SND1: variants seen among roughly 807,000 people sequenced by gnomAD.
SND1 encodes staphylococcal nuclease domain-containing protein 1.
In SND1, 38 loss-of-function variants were observed where a neutral mutation model predicts 121.7. The ratio of observed to expected loss-of-function variants is 0.31; its 90% confidence interval spans 0.24 to 0.41. SND1 has a LOEUF of 0.41. Among genes scored for constraint, SND1 ranks in the 10% least tolerant of loss-of-function variants. SND1 has a pLI of 1.00. For missense variants in SND1, 868 were observed against 1,184.6 expected (o/e 0.73, Z 3.92); for synonymous variants, 401 against 447.4 (o/e 0.90, Z 1.31).
intron 1 of SND1, among the ~76,000 whole-genome samples, chr7:127,678,463 G>T (rs1165591505): frequency 6.6e-6 from 1 of 152,202 alleles, no homozygotes; most frequent in Admixed American, 6.5e-5. Context: ...TCCAGAGCCA[G>T]TGAGTCAGCA....
intron 11 of SND1, among the ~76,000 whole-genome samples, chr7:127,828,870 T>C (rs1389915672): frequency 2.0e-5 from 3 of 152,190 alleles, no homozygotes; most frequent in Non-Finnish European, 4.4e-5. Context: ...TATTAAATCA[T>C]GGAGCAGAGC....
At position 128,085,488 on chromosome 7, in the gene SND1, A is replaced by C. The variant is rs941376870; in HGVS notation, c.2235-223A>C. 6.6e-6 allele frequency among the ~76,000 whole-genome samples: 1 copy of C among 152,060 alleles called. No individual in the cohort carries two copies. ...CCAAGGACACATTAATCTGCTCCACATGCTCCTTTCTCCCTCTTCTGCTCC... is the reference window on the plus strand; with the variant it reads ...CCAAGGACACATTAATCTGCTCCACCTGCTCCTTTCTCCCTCTTCTGCTCC... On this transcript the variant is annotated intron_variant, in intron 19 of 23. Transcript: ENST00000354725. This position sits in a 1 kb window ranked among gnomAD's most constrained non-coding sequence, Gnocchi z 4.4.
chr7:127,660,234 GT>G (rs1285234777), intron 1 of SND1, among the ~76,000 whole-genome samples: 1 of 152,132 alleles, frequency 6.6e-6, no homozygotes, highest in Non-Finnish European at 1.5e-5. Flanking sequence ...GTTCTAGTGG[GT>G]TTTATTCACC....
intron 10 of SND1, among the ~76,000 whole-genome samples, chr7:127,754,270 A>G (rs534448468): frequency 2.0e-5 from 3 of 152,314 alleles, no homozygotes; most frequent in South Asian, 2.1e-4. Context: ...AAAGTGGGCC[A>G]TCATGCTTTG....
At chr7:127,744,299 G>A (rs1316444563) in intron 10 of SND1, among the ~76,000 whole-genome samples, 1 of 151,316 alleles carries the variant, frequency 6.6e-6, no homozygotes, top group African/African-American at 2.4e-5. Context: ...TTTTTGGGTC[G>A]GCTTAGAGAC....
chr7:127,815,211 G>A (rs1413854417), intron 11 of SND1, among the ~76,000 whole-genome samples: 1 of 152,066 alleles, frequency 6.6e-6, no homozygotes. Flanking sequence ...CATCCATCTC[G>A]AACCTTAGAG....
At chr7:127,737,063 A>G (rs1587630039) in intron 10 of SND1, among the ~76,000 whole-genome samples, 1 of 152,348 alleles carries the variant, frequency 6.6e-6, no homozygotes, top group African/African-American at 2.4e-5. Flanking sequence ...AAGTGTATGT[A>G]AAGCAATTAT....
At chr7:127,861,106 AC>A (rs767818080) in intron 12 of SND1, among the ~76,000 whole-genome samples, 17 of 152,322 alleles carry the variant, frequency 1.1e-4, no homozygotes, top group Admixed American at 2.0e-4. Flanking sequence ...TTTCTTTCAC[AC>A]CTTTCTAAAA....
intron 10 of SND1, among the ~76,000 whole-genome samples, chr7:127,786,005 A>G (rs962143811): frequency 2.0e-5 from 3 of 152,200 alleles, no homozygotes; most frequent in Non-Finnish European, 1.5e-5. Context: ...ATCTGCTTGC[A>G]TCAGGAAAGA....
chr7:127,793,963 A>G (rs1285810530), intron 10 of SND1, among the ~76,000 whole-genome samples: 3 of 152,292 alleles, frequency 2.0e-5, no homozygotes, highest in East Asian at 3.9e-4. Flanking sequence ...TATATATATA[A>G]TGAAATTGCT....
At chr7:128,049,802 C>T (rs901579531) in intron 16 of SND1, among the ~76,000 whole-genome samples, 3 of 152,068 alleles carry the variant, frequency 2.0e-5, no homozygotes, top group Non-Finnish European at 2.9e-5. Flanking sequence ...GTCCCAGCAA[C>T]GTATGCAGGA....
intron 16 of SND1, chr7:128,042,326 AGAG>A (rs1792870012): frequency 6.6e-6 from 1 of 152,188 alleles, no homozygotes; most frequent in Non-Finnish European, 1.5e-5. Context: ...TCCCTCCCCA[AGAG>A]GAGACCATCT....
intron 11 of SND1, among the ~76,000 whole-genome samples, chr7:127,834,824 A>C (rs1798835505): frequency 6.6e-6 from 1 of 152,076 alleles, no homozygotes; most frequent in Non-Finnish European, 1.5e-5. Flanking sequence ...TCACCATTCT[A>C]ACTTTGGCCT....
chr7:127,863,587 G>A (rs951513358), intron 12 of SND1, among the ~76,000 whole-genome samples: 2 of 152,128 alleles, frequency 1.3e-5, no homozygotes, highest in Admixed American at 6.5e-5. Flanking sequence ...TGGCAGAATC[G>A]TAAAACAATA....
At chr7:127,971,022 C>A (rs764479175) in intron 15 of SND1, among the ~76,000 whole-genome samples, 1 of 152,260 alleles carries the variant, frequency 6.6e-6, no homozygotes, top group South Asian at 2.1e-4. Context: ...ATCACCTGAT[C>A]GTCTTTACAG....
chr7:128,017,655 G>C (rs757319687), intron 16 of SND1, among the ~76,000 whole-genome samples: 4 of 152,250 alleles, frequency 2.6e-5, no homozygotes, highest in Non-Finnish European at 4.4e-5. Flanking sequence ...GCAGAGGGAA[G>C]CCCTGTTCCA....
chr7:127,802,240 G>T lies in SND1; in HGVS notation c.1153-5244G>T, dbSNP rs572383655. 2.6e-5 allele frequency among the ~76,000 whole-genome samples: 4 copies of T among 152,294 alleles called. No individual in the cohort carries two copies. The East Asian group carries it at 7.7e-4, about 29-fold the overall frequency. On this transcript the variant is annotated intron_variant, in intron 10 of 23. Transcript: ENST00000354725. Reference sequence around the variant, plus strand: ...TCTTGCTGTCACAGGAATGGCAGGGGCAGGAGAAAATCCAGATGTAAGTGG... The same window carrying T: ...TCTTGCTGTCACAGGAATGGCAGGGTCAGGAGAAAATCCAGATGTAAGTGG...
At position 127,704,830 on chromosome 7, in the gene SND1, G is replaced by C; in HGVS notation, c.841-9G>C. On this transcript the variant is annotated splice_polypyrimidine_tract_variant and intron_variant, in intron 7 of 23. Transcript: ENST00000354725. Reference sequence around the variant, plus strand: ...TCCGTGCCTGCCTCTCATGTACCTTGTTTTTCAGAATGGCAACATCACAGA... The same window carrying C: ...TCCGTGCCTGCCTCTCATGTACCTTCTTTTTCAGAATGGCAACATCACAGA... The C allele has an allele frequency of 6.2e-7, 1 of 1,612,022 alleles. No homozygotes were observed.
Position 128,029,132 on chromosome 7 carries a change from C to CT in SND1, c.1779+38077dup. On this transcript the variant is annotated intron_variant, in intron 16 of 23. Transcript: ENST00000354725. This position sits in a 1 kb window ranked among gnomAD's most constrained non-coding sequence, Gnocchi z 4.2. ...TGGTGTCTGTCGCGGGTACTGCCAC[C>CT]TGCTTGGGCACACGGGTAGTCTGAA... 1 of 1,614,152 alleles carries CT rather than the reference C, an allele frequency of 6.2e-7. No homozygotes were observed. Among genetic ancestry groups the CT allele is most frequent in the Non-Finnish European group, 8.5e-7 (1 of 1,180,044 alleles).
Sources: allele counts gnomAD v4.1 joint callset (sites outside exome capture counted in the v4.1 genomes callset), GRCh38; gene constraint gnomAD v4.1.1; non-coding constraint Gnocchi (gnomAD v3.1); transcripts MANE v1.5; gene names NCBI Gene and HGNC (gene_info 2026-07-23, HGNC 2026-07-21).